The following RAB3GAP2 variants were observed in gnomAD, a reference collection of about 807,000 sequenced individuals.
The protein encoded by RAB3GAP2 is RAB3 GTPase activating non-catalytic protein subunit 2, also known as rab3 GTPase-activating protein non-catalytic subunit.
In RAB3GAP2, 87 loss-of-function variants were observed where a neutral mutation model predicts 185.3. The ratio of observed to expected loss-of-function variants is 0.47; its 90% CI spans 0.39 to 0.56. The LOEUF is 0.56. Among genes scored for constraint, RAB3GAP2 ranks in the 20% least tolerant of loss-of-function variants. RAB3GAP2 has a pLI of 0.00. For missense variants in RAB3GAP2, 1,492 were observed against 1,638.2 expected, an observed-to-expected ratio of 0.91 and a Z score of 1.54; for synonymous variants, 554 against 576.1, an observed-to-expected ratio of 0.96 and a Z score of 0.55.
intron 33 of RAB3GAP2, 34 bp downstream of exon 33, chr1:220,153,151 T>G: frequency 1.3e-6 from 2 of 1,496,140 alleles, no homozygotes; most frequent in Non-Finnish European, 1.9e-6. Context: ...TTTTATAACT[T>G]GAGCCCAATT....
At chr1:220,270,229 C>T (rs1349174084) in intron 1 of RAB3GAP2, among the ~76,000 whole-genome samples, 2 of 152,222 alleles carry the variant, frequency 1.3e-5, no homozygotes, top group Non-Finnish European at 2.9e-5. Flanking sequence ...TTCTTTTACT[C>T]CTTCTCAGTC....
chr1:220,164,651 TA>T (rs1225835900), intron 27 of RAB3GAP2, 81 bp downstream of exon 27: 11 of 1,533,594 alleles, frequency 7.2e-6, no homozygotes, highest in Non-Finnish European at 9.7e-6. Context: ...TAATAGGTTG[TA>T]AATCTTTAAA....
At chr1:220,183,250 ATTT>A (rs200955039) in intron 19 of RAB3GAP2, among the ~76,000 whole-genome samples, 8 of 140,338 alleles carry the variant, frequency 5.7e-5, no homozygotes, top group Admixed American at 7.1e-5. Context: ...GAATGTTAGC[ATTT>A]TTTTTTTTTT....
chr1:220,211,594 AT>A (rs911036067), intron 4 of RAB3GAP2, among the ~76,000 whole-genome samples: 1 of 152,010 alleles, frequency 6.6e-6, no homozygotes, highest in Non-Finnish European at 1.5e-5. Flanking sequence ...AAAAAGATAT[AT>A]TTTTTTTCTG....
chr1:220,222,072 T>C (rs996394327), intron 2 of RAB3GAP2, among the ~76,000 whole-genome samples: 10 of 152,244 alleles, frequency 6.6e-5, no homozygotes, highest in African/African-American at 9.6e-5. Context: ...GCACATTCTC[T>C]GTAATTCTCA....
At chr1:220,178,565 T>C (rs372962922) in intron 21 of RAB3GAP2, among the ~76,000 whole-genome samples, 2 of 152,214 alleles carry the variant, frequency 1.3e-5, no homozygotes, top group East Asian at 1.9e-4. Flanking sequence ...TGATCAAAGT[T>C]AAGCTGGTAT....
At chr1:220,254,360 T>C (rs1659995404) in intron 1 of RAB3GAP2, 1 of 1,611,344 alleles carries the variant, frequency 6.2e-7, no homozygotes, top group Admixed American at 1.7e-5. Context: ...CCACATCTCC[T>C]GAGATTATTT....
chr1:220,178,798 A>T (rs187133055), intron 21 of RAB3GAP2, among the ~76,000 whole-genome samples: 1 of 152,286 alleles, frequency 6.6e-6, no homozygotes, highest in East Asian at 1.9e-4. Flanking sequence ...CCAATCAATA[A>T]TAACACTGAA....
At chr1:220,186,606 T>C (rs1658512509) in intron 17 of RAB3GAP2, among the ~76,000 whole-genome samples, 1 of 152,186 alleles carries the variant, frequency 6.6e-6, no homozygotes, top group Admixed American at 6.5e-5. Flanking sequence ...GGCTAGCAGC[T>C]AGCTTGTTTT....
Position 220,205,895 on chromosome 1 carries a change from C to T in RAB3GAP2, c.712+12G>A, listed in dbSNP as rs530494745. ...ATTAACAGAGGTTAAATATTTCTTG[C>T]CAAAATATTACCTTTTGCTACCTGA... On this transcript the variant is annotated intron_variant, in intron 8 of 34. Transcript: ENST00000358951. The T allele has an allele frequency of 6.5e-7, 1 of 1,549,520 alleles. No homozygotes were observed. The highest frequency in any genetic ancestry group is 8.9e-7 in the Non-Finnish European group (1 of 1,122,600).
rs930135626 is a variant in RAB3GAP2, at chr1:220,157,325, G to A, written c.3500C>T (p.Ala1167Val). 3.1e-6 allele frequency: 5 copies of A among 1,613,918 alleles called. No individual in the cohort carries two copies. In the South Asian group the frequency reaches 4.4e-5, roughly 14 times the overall value. The change falls in exon 31 of 35, where the codon GCA becomes GTA. Residue 1167 changes from alanine to valine, a missense_variant. Physicochemically the swap from Ala to Val is moderately conservative, Grantham distance 64. This residue lies in a region of RAB3GAP2 where 387 missense variants were observed against 455.3 expected (regional missense o/e 0.85). Coordinates refer to ENST00000358951, the MANE Select transcript of RAB3GAP2 (RefSeq NM_012414.4). ...HHSILCSILY[A>V]VMRFSLKTVK... is the part of the protein sequence containing the mutation. ...GGTCTTCAGAGAAAACCTCATGACT[G>A]CATACAAGATGGAGCACAGGATGGA...
chr1:220,268,551 G>A (rs1171007802), intron 1 of RAB3GAP2, among the ~76,000 whole-genome samples: 1 of 152,174 alleles, frequency 6.6e-6, no homozygotes, highest in Non-Finnish European at 1.5e-5. Flanking sequence ...AGTACACATT[G>A]CTTTCACATT....
intron 1 of RAB3GAP2, among the ~76,000 whole-genome samples, chr1:220,260,051 G>A (rs1660104084): frequency 6.6e-6 from 1 of 152,120 alleles, no homozygotes; most frequent in African/African-American, 2.4e-5. Context: ...ACCATCTTAT[G>A]CCAGTCAGAA....
intron 17 of RAB3GAP2, among the ~76,000 whole-genome samples, chr1:220,188,464 T>C (rs1370656429): frequency 6.6e-6 from 1 of 152,104 alleles, no homozygotes; most frequent in Non-Finnish European, 1.5e-5. Flanking sequence ...GGGGTTTGGA[T>C]AGGAGGAGTG....
At chr1:220,197,033 C>A (rs890883818) in intron 9 of RAB3GAP2, among the ~76,000 whole-genome samples, 1 of 151,546 alleles carries the variant, frequency 6.6e-6, no homozygotes, top group African/African-American at 2.4e-5. Context: ...GTCGCCCAGG[C>A]TGGAGTGCAA....
chr1:220,162,381 T>C, intron 27 of RAB3GAP2, 113 bp from the exon 28 acceptor site: 1 of 707,878 alleles, frequency 1.4e-6, no homozygotes, highest in Non-Finnish European at 2.5e-6. Context: ...TGATTTCATT[T>C]TTTATATCTC....
chr1:220,272,416 A>T lies in RAB3GAP2; in HGVS notation c.-79T>A, dbSNP rs1178128368. On this transcript the variant is annotated 5_prime_UTR_variant, in exon 1 of 35. Coordinates refer to ENST00000358951, the MANE Select transcript of RAB3GAP2 (RefSeq NM_012414.4). Reference sequence around the variant, plus strand: ...CTCCACCCCACTGCGGCCGCCACCGAGCCCCAATAGCTCTAGCCAAGCAGA... The same window carrying T: ...CTCCACCCCACTGCGGCCGCCACCGTGCCCCAATAGCTCTAGCCAAGCAGA... The T allele has an allele frequency of 3.3e-6, 3 of 918,858 alleles. No individual in the cohort carries two copies. The highest frequency in any genetic ancestry group is 1.7e-6 in the Non-Finnish European group (1 of 571,648). The allele number at this position is 918,858 out of a possible 1,614,324, so 56.9% of individuals were successfully genotyped here.
At chr1:220,164,890 C>A in intron 26 of RAB3GAP2, 91 bp from the exon 27 acceptor site, 1 of 1,229,332 alleles carries the variant, frequency 8.1e-7, no homozygotes, top group Non-Finnish European at 1.2e-6. Context: ...ACATAAATTT[C>A]TGCATAAAAC....
chr1:220,231,617 C>A (rs1275842442), intron 2 of RAB3GAP2, among the ~76,000 whole-genome samples: 1 of 152,178 alleles, frequency 6.6e-6, no homozygotes, highest in Non-Finnish European at 1.5e-5. Context: ...TCCTCTAACT[C>A]CAGGGAATAA....
Sources: gnomAD v4.1 joint callset for allele counts (sites outside exome capture counted in the v4.1 genomes callset) on GRCh38, gnomAD v4.1.1 for gene constraint, gnomAD v4.1.1 regional missense constraint, MANE v1.5 for transcripts, NCBI Gene and HGNC (gene_info 2026-07-23, HGNC 2026-07-21) for gene names.